EPN2: variants seen among roughly 807,000 people sequenced by gnomAD.
EPN2 encodes the protein epsin-2.
Under a neutral mutation model 61.7 loss-of-function variants are expected in EPN2, and 34 were observed. The observed-to-expected ratio is 0.55, with a 90% CI of 0.42 to 0.73. EPN2 has a LOEUF of 0.73. Among genes scored for constraint, EPN2 ranks in the 30% least tolerant of loss-of-function variants. EPN2 has a pLI of 0.00. For missense variants in EPN2, 714 were observed against 839.2 expected, an observed-to-expected ratio of 0.85 and a Z score of 1.84; for synonymous variants, 349 against 353.6, an observed-to-expected ratio of 0.99 and a Z score of 0.15.
chr17:19,253,209 A>G (rs1414559804), intron 1 of EPN2, among the ~76,000 whole-genome samples: 1 of 152,148 alleles, frequency 6.6e-6, no homozygotes, highest in Non-Finnish European at 1.5e-5. Context: ...TTTCATATAA[A>G]TGCAGTTATA....
chr17:19,249,988 C>T (rs900135029), intron 1 of EPN2, among the ~76,000 whole-genome samples: 2 of 152,116 alleles, frequency 1.3e-5, no homozygotes, highest in African/African-American at 2.4e-5. Context: ...TCTCTCTGAC[C>T]CTGACTCTTC....
intron 1 of EPN2, among the ~76,000 whole-genome samples, chr17:19,261,861 C>T (rs140933545): frequency 1.4e-3 from 217 of 152,304 alleles, no homozygotes; most frequent in African/African-American, 1.7e-3. Flanking sequence ...GATGGTGGCA[C>T]AAGCTTTTTG....
chr17:19,261,125 A>G (rs924855999), intron 1 of EPN2, among the ~76,000 whole-genome samples: 3 of 152,186 alleles, frequency 2.0e-5, no homozygotes, highest in African/African-American at 2.4e-5. Context: ...CCGCAGGCAC[A>G]TTGCTGAGTC....
At chr17:19,260,430 G>A (rs935512397) in intron 1 of EPN2, among the ~76,000 whole-genome samples, 4 of 152,166 alleles carry the variant, frequency 2.6e-5, no homozygotes, top group African/African-American at 4.8e-5. Context: ...GGACAGACGC[G>A]GGACGGTGCA....
At chr17:19,284,354 T>G (rs1366121007) in intron 3 of EPN2, among the ~76,000 whole-genome samples, 1 of 152,188 alleles carries the variant, frequency 6.6e-6, no homozygotes, top group East Asian at 1.9e-4. Flanking sequence ...AGAAGAGGTT[T>G]CAGGGAACAG....
chr17:19,263,722 A>C (rs1458373254), intron 1 of EPN2, among the ~76,000 whole-genome samples: 1 of 152,210 alleles, frequency 6.6e-6, no homozygotes, highest in South Asian at 2.1e-4. Context: ...CATTCAGTAA[A>C]TTATAGCTGT....
intron 1 of EPN2, among the ~76,000 whole-genome samples, chr17:19,268,366 C>CT (rs774924176): frequency 1.7e-4 from 25 of 151,434 alleles, no homozygotes; most frequent in African/African-American, 3.1e-4. Flanking sequence ...ATGAATACAT[C>CT]TTTTTTTTTG....
At chr17:19,301,688 T>C (rs976297609) in intron 4 of EPN2, among the ~76,000 whole-genome samples, 4 of 152,200 alleles carry the variant, frequency 2.6e-5, no homozygotes, top group Non-Finnish European at 5.9e-5. Context: ...TCCCCTGCTC[T>C]CAGAACAGAA....
intron 1 of EPN2, among the ~76,000 whole-genome samples, chr17:19,278,116 C>G: frequency 6.7e-6 from 1 of 150,362 alleles, no homozygotes; most frequent in Non-Finnish European, 1.5e-5. Context: ...TGACTTTTCT[C>G]CTAGTGAGGA....
At chr17:19,239,308 C>T (rs1175418202) in intron 1 of EPN2, among the ~76,000 whole-genome samples, 1 of 152,188 alleles carries the variant, frequency 6.6e-6, no homozygotes, top group East Asian at 1.9e-4. Flanking sequence ...CCATCCACCA[C>T]GCCCGGCTAA....
chr17:19,325,034 A>G (rs1484608749), intron 7 of EPN2, among the ~76,000 whole-genome samples: 1 of 152,224 alleles, frequency 6.6e-6, no homozygotes, highest in Non-Finnish European at 1.5e-5. Flanking sequence ...TTAAAAAGGA[A>G]ACAGCAAAGC....
intron 1 of EPN2, among the ~76,000 whole-genome samples, chr17:19,257,543 G>A (rs1263890233): frequency 8.8e-5 from 13 of 148,294 alleles, no homozygotes; most frequent in South Asian, 6.4e-4. Flanking sequence ...TTTTTGACAC[G>A]GGGTCTTGCT....
intron 1 of EPN2, among the ~76,000 whole-genome samples, chr17:19,254,060 A>G (rs569174607): frequency 6.6e-6 from 1 of 151,702 alleles, no homozygotes; most frequent in Non-Finnish European, 1.5e-5. Flanking sequence ...TGAACCCAGG[A>G]GGCGGAGGTA....
chr17:19,278,924 A>T (rs111781861), intron 1 of EPN2, among the ~76,000 whole-genome samples: 1 of 152,130 alleles, frequency 6.6e-6, no homozygotes, highest in Non-Finnish European at 1.5e-5. Flanking sequence ...GTCATGAACC[A>T]CCGTGCCCGG....
At chr17:19,333,873 C>CA (rs1907275027) in intron 10 of EPN2, 83 bp from the exon 11 acceptor site, 2 of 1,219,534 alleles carry the variant, frequency 1.6e-6, no homozygotes, top group South Asian at 3.5e-5. Context: ...GGGACCAGAA[C>CA]ACCCGCATGC....
intron 7 of EPN2, among the ~76,000 whole-genome samples, chr17:19,317,154 A>G (rs1906421812): frequency 2.0e-5 from 3 of 152,238 alleles, no homozygotes; most frequent in African/African-American, 7.2e-5. Flanking sequence ...CTGTTTTGAA[A>G]GCCACCATTT....
chr17:19,315,575 C>T (rs1290221661), intron 7 of EPN2, among the ~76,000 whole-genome samples: 1 of 152,170 alleles, frequency 6.6e-6, no homozygotes, highest in Admixed American at 6.5e-5. Context: ...CAACCTTCGC[C>T]TCCCAGGTTC....
At chr17:19,270,582 T>C (rs1277238570) in intron 1 of EPN2, among the ~76,000 whole-genome samples, 3 of 152,202 alleles carry the variant, frequency 2.0e-5, no homozygotes, top group Non-Finnish European at 4.4e-5. Context: ...ACACCTCTTA[T>C]TTGCCAGTCG....
Position 19,335,347 on chromosome 17 carries a change from C to T in EPN2, c.*1093C>T. ...CATCCTGAAAGTTAAAGAAAAAAATCTAATGTATGAATGTGACTCACCAAT... is the reference window on the plus strand; with the variant it reads ...CATCCTGAAAGTTAAAGAAAAAAATTTAATGTATGAATGTGACTCACCAAT... On this transcript the variant is annotated 3_prime_UTR_variant, in exon 11 of 11. Transcript: ENST00000314728. 6.6e-7 allele frequency: 1 copy of T among 1,507,512 alleles called. No homozygotes were observed. The highest frequency in any genetic ancestry group is 9.0e-7 in the Non-Finnish European group (1 of 1,117,224). The allele number at this position is 1,507,512 out of a possible 1,614,324, so 93.4% of individuals were successfully genotyped here.
Sources: gnomAD v4.1 joint callset for allele counts (sites outside exome capture counted in the v4.1 genomes callset) on GRCh38, gnomAD v4.1.1 for gene constraint, MANE v1.5 for transcripts, NCBI Gene and HGNC (gene_info 2026-07-23, HGNC 2026-07-21) for gene names.